The following AKAP7 variants were observed in gnomAD, a reference collection of about 807,000 sequenced individuals.
AKAP7 encodes A kinase (PRKA) anchor protein 7.
Under a neutral mutation model 39.5 loss-of-function variants are expected in AKAP7, and 39 were observed. The observed-to-expected ratio is 0.99, with a 90% CI of 0.76 to 1.29. AKAP7 has a LOEUF of 1.29. AKAP7 is among the 50% of genes most tolerant of loss of function. AKAP7 has a pLI of 0.00. For synonymous variants in AKAP7, 140 were observed against 139.1 expected (o/e 1.01, Z -0.05); for missense variants, 414 against 407.7 (o/e 1.02, Z -0.13).
At chr6:131,278,732 C>T (rs1297579925) in intron 7 of AKAP7, among the ~76,000 whole-genome samples, 2 of 152,164 alleles carry the variant, frequency 1.3e-5, no homozygotes, top group Non-Finnish European at 2.9e-5. Flanking sequence ...ATCATGAGAA[C>T]AGCAAGTGGG....
intron 1 of AKAP7, among the ~76,000 whole-genome samples, chr6:131,141,220 G>A (rs1800997690): frequency 6.6e-6 from 1 of 152,114 alleles, no homozygotes. Context: ...GTCATGGGGT[G>A]GATCCCTCAT....
rs1562852468 is a variant in AKAP7, at chr6:131,135,513, T to TGCGGCTGCCGCCGCC, written c.-248_-234dup. Among the ~76,000 whole-genome samples the TGCGGCTGCCGCCGCC allele has an allele frequency of 6.7e-6, 1 of 148,596 alleles. No homozygotes were observed. The highest frequency in any genetic ancestry group is 2.5e-5 in the African/African-American group (1 of 39,864). ...CCTGGCATGCGGGTGCTGCGGCTGC[T>TGCGGCTGCCGCCGCC]GCGGCTGCCGCCGCCGCTGCTGCCG... On this transcript the variant is annotated 5_prime_UTR_variant, in exon 1 of 8. Transcript: ENST00000431975.
chr6:131,184,584 A>G (rs534948979), intron 5 of AKAP7: 1 of 731,888 alleles, frequency 1.4e-6, no homozygotes, highest in Non-Finnish European at 2.5e-6. Flanking sequence ...AATGGAGGCA[A>G]GATGGATGCC....
In AKAP7 at chr6:131,222,689, T is replaced by G. The variant is rs189665268; in HGVS notation, c.850+2881T>G. Among the ~76,000 whole-genome samples the G allele has an allele frequency of 1.0e-3, 157 of 152,332 alleles. 1 individual carries two copies. The highest frequency in any genetic ancestry group is 3.5e-3 in the African/African-American group (146 of 41,576). The stretch of plus-strand genomic sequence containing the variant: ...TGGTTTCTTGAGATGGAATCTACTC[T>G]TGGTAAAGATCCTTAAACATTGTTG... On this transcript the variant is annotated intron_variant, in intron 7 of 7. Transcript: ENST00000431975.
chr6:131,258,845 A>T (rs1813071967), intron 7 of AKAP7, among the ~76,000 whole-genome samples: 2 of 152,228 alleles, frequency 1.3e-5, no homozygotes, highest in Admixed American at 6.5e-5. Context: ...TTAGTCAAGA[A>T]CATTAATAAA....
At chr6:131,208,624 A>C (rs560192563) in intron 6 of AKAP7, among the ~76,000 whole-genome samples, 42 of 152,386 alleles carry the variant, frequency 2.8e-4, no homozygotes, top group Middle Eastern at 3.4e-3. Context: ...GGGATCTGTG[A>C]TCCAATGAAT....
At chr6:131,218,988 G>A (rs1400071272) in intron 6 of AKAP7, among the ~76,000 whole-genome samples, 2 of 151,390 alleles carry the variant, frequency 1.3e-5, no homozygotes, top group African/African-American at 2.4e-5. Context: ...TATCTATTTC[G>A]CTGGGCGCAG....
chr6:131,135,548 G>GCT lies in AKAP7; in HGVS notation c.-216_-215insCT. 5.2e-6 allele frequency: 1 copy of GCT among 192,394 alleles called. No homozygotes were observed. 11.9% of individuals were successfully genotyped at this position (192,394 alleles called of 1,614,324 possible). On this transcript the variant is annotated 5_prime_UTR_variant, in exon 1 of 8. Coordinates refer to ENST00000431975, the MANE Select transcript of AKAP7 (RefSeq NM_016377.4). ...GCCGCCGCTGCTGCCGCTGCCGCGG[G>GCT]GGCTGCGGCTTGGGAAGCTCCGCGC...
At chr6:131,172,387 T>C (rs1422792430) in intron 5 of AKAP7, among the ~76,000 whole-genome samples, 1 of 152,150 alleles carries the variant, frequency 6.6e-6, no homozygotes, top group Admixed American at 6.5e-5. Flanking sequence ...TCTTGCTCTG[T>C]CACCCAGGCT....
At chr6:131,137,497 C>T (rs1183061203) in intron 1 of AKAP7, 2 of 152,464 alleles carry the variant, frequency 1.3e-5, no homozygotes, top group South Asian at 2.1e-4. Context: ...ATTCCCCTGC[C>T]TCAGCCTCCC....
chr6:131,132,314 GAAA>G (rs11307437), upstream of AKAP7, among the ~76,000 whole-genome samples: 3 of 143,454 alleles, frequency 2.1e-5, no homozygotes, highest in Non-Finnish European at 3.0e-5. Flanking sequence ...TTCCGTCTCA[GAAA>G]AAAAAAAAAA....
At chr6:131,207,232 T>G (rs1562213523) in intron 6 of AKAP7, among the ~76,000 whole-genome samples, 1 of 152,008 alleles carries the variant, frequency 6.6e-6, no homozygotes, top group Non-Finnish European at 1.5e-5. Context: ...GATAGGAAGA[T>G]AGGGGCAATT....
chr6:131,164,486 C>G, intron 3 of AKAP7: 1 of 454,496 alleles, frequency 2.2e-6, no homozygotes, highest in Non-Finnish European at 4.4e-6. Flanking sequence ...CTAATGTGTG[C>G]ATTTGGACTT....
intron 7 of AKAP7, chr6:131,250,249 A>C: frequency 1.8e-6 from 2 of 1,108,230 alleles, no homozygotes; most frequent in Non-Finnish European, 2.2e-6. Context: ...CAGACAGAAC[A>C]CATGGCACTG....
At chr6:131,254,216 C>T (rs557719886) in intron 7 of AKAP7, among the ~76,000 whole-genome samples, 1 of 152,294 alleles carries the variant, frequency 6.6e-6, no homozygotes, top group East Asian at 1.9e-4. Flanking sequence ...TCTACGGGAA[C>T]ATTGTTAACA....
At chr6:131,184,693 G>A in intron 5 of AKAP7, 1 of 791,526 alleles carries the variant, frequency 1.3e-6, no homozygotes, top group Non-Finnish European at 2.3e-6. Context: ...GTAGTTGTTG[G>A]GCAAGGCAAA....
intron 5 of AKAP7, among the ~76,000 whole-genome samples, chr6:131,176,846 C>T (rs995142282): frequency 6.6e-6 from 1 of 152,124 alleles, no homozygotes; most frequent in Non-Finnish European, 1.5e-5. Context: ...CAGCAGCCTG[C>T]TAACCGTTCC....
chr6:131,186,806 AG>A (rs1366419061), intron 5 of AKAP7, among the ~76,000 whole-genome samples: 1 of 111,004 alleles, frequency 9.0e-6, no homozygotes, highest in Non-Finnish European at 2.4e-5. Flanking sequence ...CCATTAATGA[AG>A]GCAGACCTCT....
intron 7 of AKAP7, among the ~76,000 whole-genome samples, chr6:131,237,633 G>GA (rs1295693647): frequency 6.6e-6 from 1 of 152,088 alleles, no homozygotes; most frequent in African/African-American, 2.4e-5. Flanking sequence ...GTTTAGTCTT[G>GA]GGGGGTGTAT....
Sources: gnomAD v4.1 joint callset for allele counts (sites outside exome capture counted in the v4.1 genomes callset) on GRCh38, gnomAD v4.1.1 for gene constraint, MANE v1.5 for transcripts, NCBI Gene and HGNC (gene_info 2026-07-23, HGNC 2026-07-21) for gene names.